CDYL: variants seen among roughly 807,000 people sequenced by gnomAD.
The protein encoded by CDYL is chromodomain Y-like protein.
CDYL carries 8 observed loss-of-function variants against 47.3 expected under a neutral mutation model. That is an observed-to-expected ratio of 0.17 (90% CI 0.10 to 0.31). The LOEUF (loss-of-function observed/expected upper bound fraction) is 0.31, where lower values mean the gene tolerates loss of function less well. CDYL is among the 10% of genes least tolerant of loss of function. CDYL has a pLI of 1.00. For synonymous variants in CDYL, 266 were observed against 265.0 expected, an observed-to-expected ratio of 1.00 and a Z score of -0.04; for missense variants, 471 against 701.4, an observed-to-expected ratio of 0.67 and a Z score of 3.71.
intron 3 of CDYL, 94 bp downstream of exon 3, chr6:4,935,865 CTAAA>C: frequency 6.4e-7 from 1 of 1,552,592 alleles, no homozygotes; most frequent in Non-Finnish European, 8.7e-7. Context: ...TGTGCTCTTT[CTAAA>C]CCTCCTTTTG....
intron 1 of CDYL, among the ~76,000 whole-genome samples, chr6:4,836,670 A>G (rs1306099795): frequency 1.3e-5 from 2 of 152,214 alleles, no homozygotes; most frequent in Non-Finnish European, 2.9e-5. Context: ...GCAAGGAAAA[A>G]TGTGCAAAGG....
chr6:4,751,658 G>A (rs143054425), intron 3 of CDYL, among the ~76,000 whole-genome samples: 27 of 152,334 alleles, frequency 1.8e-4, no homozygotes, highest in African/African-American at 6.5e-4. Flanking sequence ...GGTAGCGATG[G>A]ACGAAGACTC....
intron 3 of CDYL, among the ~76,000 whole-genome samples, chr6:4,755,990 T>C (rs748422319): frequency 8.5e-5 from 13 of 152,208 alleles, no homozygotes; most frequent in Non-Finnish European, 1.9e-4. Context: ...GGTTTTTCCC[T>C]CCTCCTTATT....
chr6:4,922,840 C>T (rs541577555), intron 2 of CDYL, among the ~76,000 whole-genome samples: 6 of 152,294 alleles, frequency 3.9e-5, no homozygotes, highest in African/African-American at 7.2e-5. Flanking sequence ...CGACCTGCAG[C>T]GGGTGCCCAG....
rs114465715 is a variant in CDYL, at chr6:4,740,647, T to C, written c.186+5803T>C. ...GAAGCCACATCTTCTTTCTAATCTT[T>C]CTTTCTAATACTGGACACTGACTAG... On this transcript the variant is annotated intron_variant, in intron 3 of 8. Coordinates refer to the CDYL transcript ENST00000328908. 5.4e-3 allele frequency among the ~76,000 whole-genome samples: 821 copies of C among 152,302 alleles called. 6 individuals carry two copies. The highest frequency in any genetic ancestry group is 0.019 in the African/African-American group (778 of 41,552).
intron 1 of CDYL, among the ~76,000 whole-genome samples, chr6:4,865,588 A>G (rs1279307926): frequency 6.6e-6 from 1 of 152,264 alleles, no homozygotes; most frequent in Non-Finnish European, 1.5e-5. Flanking sequence ...TGAAATGGTC[A>G]AAATAAATAC....
rs758720176 is a variant in CDYL, at chr6:4,743,871, AAC to A, written c.186+9029_186+9030del. 3.3e-5 allele frequency among the ~76,000 whole-genome samples: 5 copies of A among 152,386 alleles called. No homozygotes were observed. The South Asian group carries it at 1.0e-3, about 32-fold the overall frequency. On this transcript the variant is annotated intron_variant, in intron 3 of 8. Coordinates refer to the CDYL transcript ENST00000328908. ...GAAACACAATTTGCTTATTAATTAT[AAC>A]AGTTCCTAGTAATAACTTGTACCTG...
At chr6:4,706,659 C>T (rs1049250177) in intron 1 of CDYL, among the ~76,000 whole-genome samples, 2 of 152,004 alleles carry the variant, frequency 1.3e-5, no homozygotes, top group African/African-American at 2.4e-5. Context: ...TGTGGTGGTG[C>T]GCGCCTGTAA....
intron 4 of CDYL, among the ~76,000 whole-genome samples, chr6:4,940,206 T>C (rs1257853102): frequency 6.6e-6 from 1 of 152,250 alleles, no homozygotes; most frequent in Admixed American, 6.5e-5. Flanking sequence ...TGGATTGATA[T>C]TCTTGTGAAG....
chr6:4,798,632 A>T (rs1759141293), intron 1 of CDYL, among the ~76,000 whole-genome samples: 1 of 152,196 alleles, frequency 6.6e-6, no homozygotes, highest in African/African-American at 2.4e-5. Context: ...TTCATAAGGT[A>T]TGTCAGTCTA....
intron 2 of CDYL, among the ~76,000 whole-genome samples, chr6:4,719,717 T>C (rs955539560): frequency 6.6e-6 from 1 of 152,144 alleles, no homozygotes; most frequent in African/African-American, 2.4e-5. Context: ...ATGAGTCATT[T>C]TGAATTAGAA....
chr6:4,881,651 A>G (rs1393323932), intron 1 of CDYL, among the ~76,000 whole-genome samples: 1 of 152,254 alleles, frequency 6.6e-6, no homozygotes, highest in Non-Finnish European at 1.5e-5. Context: ...GATAAACCCC[A>G]CAATAGTGTT....
chr6:4,754,454 C>T (rs982518794), intron 3 of CDYL, among the ~76,000 whole-genome samples: 10 of 152,196 alleles, frequency 6.6e-5, no homozygotes, highest in Non-Finnish European at 1.2e-4. Flanking sequence ...TTCTTGGACT[C>T]ACCAACAAGC....
intron 2 of CDYL, chr6:4,718,524 C>G (rs1757311772): frequency 6.6e-6 from 1 of 152,086 alleles, no homozygotes; most frequent in African/African-American, 2.4e-5. Flanking sequence ...GTGATTCACT[C>G]ACCTCAACCT....
At chr6:4,822,102 A>G (rs1032503565) in intron 1 of CDYL, among the ~76,000 whole-genome samples, 2 of 151,882 alleles carry the variant, frequency 1.3e-5, no homozygotes, top group South Asian at 2.1e-4. Flanking sequence ...CTGAGTAGCT[A>G]GGACTACAGG....
intron 1 of CDYL, among the ~76,000 whole-genome samples, chr6:4,706,442 T>A (rs1465316824): frequency 1.3e-5 from 2 of 152,032 alleles, no homozygotes; most frequent in Non-Finnish European, 1.5e-5. Flanking sequence ...TTTTTTCTTT[T>A]CATTTGTTTG....
Position 4,805,070 on chromosome 6 carries a change from A to G in CDYL, c.24+28263A>G, listed in dbSNP as rs1581177921. Among the ~76,000 whole-genome samples the G allele has an allele frequency of 2.0e-5, 3 of 152,252 alleles. No homozygotes were observed. In the East Asian group the frequency reaches 5.8e-4, roughly 29 times the overall value. On this transcript the variant is annotated intron_variant, in intron 1 of 6. Coordinates refer to ENST00000397588, the MANE Select transcript of CDYL (RefSeq NM_004824.4). Reference sequence around the variant, plus strand: ...AAAAAACCCCAAAAAACAAAAACCCAGAAAACAGACTAGATGGTGCTTTTG... The same window carrying G: ...AAAAAACCCCAAAAAACAAAAACCCGGAAAACAGACTAGATGGTGCTTTTG...
chr6:4,856,714 T>TG (rs1254863065), intron 1 of CDYL, among the ~76,000 whole-genome samples: 1 of 152,118 alleles, frequency 6.6e-6, no homozygotes, highest in African/African-American at 2.4e-5. Context: ...AGAACTCTGA[T>TG]GGGGAAGACT....
intron 1 of CDYL, among the ~76,000 whole-genome samples, chr6:4,793,894 C>A (rs1347420034): frequency 6.6e-6 from 1 of 152,008 alleles, no homozygotes; most frequent in Non-Finnish European, 1.5e-5. Context: ...GATGGGGGTT[C>A]ATGTGTAGGG....
Sources: allele counts gnomAD v4.1 joint callset (sites outside exome capture counted in the v4.1 genomes callset), GRCh38; gene constraint gnomAD v4.1.1; transcripts MANE v1.5; gene names NCBI Gene and HGNC (gene_info 2026-07-23, HGNC 2026-07-21).